CHRNA7: variants seen among roughly 807,000 people sequenced by gnomAD.
The protein encoded by CHRNA7 is neuronal acetylcholine receptor subunit alpha-7.
In CHRNA7, 17 loss-of-function variants were observed where a neutral mutation model predicts 48.0. That is an observed-to-expected ratio of 0.35 (90% CI 0.24 to 0.53). CHRNA7 has a LOEUF of 0.53. CHRNA7 is among the 20% of genes least tolerant of loss of function. The probability of loss-of-function intolerance (pLI) is 0.92; values close to 1 mark genes in which losing one functional copy is unlikely to be tolerated. For synonymous variants in CHRNA7, 75 were observed against 242.3 expected (o/e 0.31, Z 6.41); for missense variants, 155 against 577.7 (o/e 0.27, Z 7.50).
chr15:32,064,481 T>TTGTG (rs746296138), intron 2 of CHRNA7, among the ~76,000 whole-genome samples: 1 of 45,546 alleles, frequency 2.2e-5, no homozygotes, highest in Non-Finnish European at 4.6e-5. Context: ...TGTGTGTGTG[T>TTGTG]AGTGTGTGTG....
intron 2 of CHRNA7, among the ~76,000 whole-genome samples, chr15:32,091,870 C>T (rs1385833405): frequency 6.6e-6 from 1 of 152,106 alleles, no homozygotes. Flanking sequence ...TTCTTGTGAG[C>T]CAAAATCAGC....
intron 2 of CHRNA7, among the ~76,000 whole-genome samples, chr15:32,043,384 A>G (rs922376461): frequency 6.6e-5 from 10 of 152,132 alleles, no homozygotes; most frequent in African/African-American, 9.7e-5. Flanking sequence ...TTTTAAATCT[A>G]TCCTTCACTG....
At chr15:32,077,566 T>G (rs1164239110) in intron 2 of CHRNA7, among the ~76,000 whole-genome samples, 1 of 152,234 alleles carries the variant, frequency 6.6e-6, no homozygotes, top group Non-Finnish European at 1.5e-5. Flanking sequence ...GAACATATTT[T>G]CATATGTTGA....
chr15:32,030,489 A>G, upstream of CHRNA7: 2 of 1,167,950 alleles, frequency 1.7e-6, no homozygotes, highest in South Asian at 2.6e-5. Flanking sequence ...CGGCTCCTTA[A>G]AGGCGCGCGA....
intron 4 of CHRNA7, among the ~76,000 whole-genome samples, chr15:32,136,781 C>T (rs955197300): frequency 3.3e-5 from 5 of 151,872 alleles, no homozygotes; most frequent in East Asian, 1.9e-4. Flanking sequence ...CCTGTAATCC[C>T]GGCACTGTGG....
intron 2 of CHRNA7, among the ~76,000 whole-genome samples, chr15:32,088,870 T>C (rs867724214): frequency 3.9e-5 from 6 of 152,184 alleles, no homozygotes; most frequent in African/African-American, 1.4e-4. Context: ...CTGTAGTTTT[T>C]CTTTTCATTC....
chr15:32,064,549 A>G (rs1424584488), intron 2 of CHRNA7, among the ~76,000 whole-genome samples: 2 of 151,158 alleles, frequency 1.3e-5, no homozygotes, highest in Non-Finnish European at 2.9e-5. Flanking sequence ...ATATGTCTGT[A>G]TGGTAGTGGT....
At chr15:32,088,500 A>G (rs1183397794) in intron 2 of CHRNA7, among the ~76,000 whole-genome samples, 1 of 152,032 alleles carries the variant, frequency 6.6e-6, no homozygotes, top group Non-Finnish European at 1.5e-5. Context: ...TTTGTAAGAA[A>G]CCGCCAAATC....
At chr15:32,035,226 G>A (rs1902026924) in intron 2 of CHRNA7, among the ~76,000 whole-genome samples, 1 of 152,168 alleles carries the variant, frequency 6.6e-6, no homozygotes, top group Non-Finnish European at 1.5e-5. Flanking sequence ...CATGTGTGAG[G>A]TTCTAATCTG....
At chr15:32,053,590 A>T (rs541091531) in intron 2 of CHRNA7, among the ~76,000 whole-genome samples, 1 of 152,282 alleles carries the variant, frequency 6.6e-6, no homozygotes, top group African/African-American at 2.4e-5. Flanking sequence ...CACCCCTGTT[A>T]TCCTTAGCTC....
At chr15:32,140,313 A>T (rs952054699) in intron 4 of CHRNA7, among the ~76,000 whole-genome samples, 2 of 152,032 alleles carry the variant, frequency 1.3e-5, no homozygotes, top group Non-Finnish European at 2.9e-5. Context: ...TCTTAATCCA[A>T]TCTGTCATTG....
rs1902170184 is a variant in CHRNA7 at position 32,037,903 on chromosome 15, C to A, written c.195+6866C>A. ...TTCCCAGTCTATATACTTTTTATTT[C>A]CTTTTTCTTGTCCTTTTGTATTAGC... On this transcript the variant is annotated intron_variant, in intron 2 of 9. Transcript: ENST00000306901. 1.3e-5 allele frequency among the ~76,000 whole-genome samples: 2 copies of A among 151,160 alleles called. 1 individual carries two copies. Among genetic ancestry groups the A allele is most frequent in the Non-Finnish European group, 3.0e-5 (2 of 67,790 alleles).
intron 2 of CHRNA7, among the ~76,000 whole-genome samples, chr15:32,042,641 G>A (rs962663121): frequency 4.6e-5 from 7 of 152,202 alleles, no homozygotes; most frequent in Admixed American, 2.0e-4. Context: ...GCTGGTTCCT[G>A]TGGTGGTTTT....
intron 2 of CHRNA7, among the ~76,000 whole-genome samples, chr15:32,061,407 T>G (rs980472920): frequency 1.3e-5 from 2 of 152,190 alleles, no homozygotes; most frequent in Admixed American, 6.5e-5. Context: ...CCATCAGAAT[T>G]AACCTTTTGC....
chr15:32,109,762 G>A (rs1206766118), intron 3 of CHRNA7, among the ~76,000 whole-genome samples: 7 of 152,214 alleles, frequency 4.6e-5, no homozygotes, highest in Non-Finnish European at 7.3e-5. Context: ...GAACTATGGT[G>A]AGTCTGCTAT....
At chr15:32,098,694 A>T (rs1948068223) in intron 2 of CHRNA7, 1 of 152,254 alleles carries the variant, frequency 6.6e-6, no homozygotes, top group Non-Finnish European at 1.5e-5. Flanking sequence ...GTTAAAGCAG[A>T]GGCTCAGCCC....
At chr15:32,069,101 TAG>T (rs1286452842) in intron 2 of CHRNA7, among the ~76,000 whole-genome samples, 2 of 152,160 alleles carry the variant, frequency 1.3e-5, no homozygotes, top group African/African-American at 2.4e-5. Context: ...GACTTAATAA[TAG>T]AGTTAATAAC....
intron 4 of CHRNA7, among the ~76,000 whole-genome samples, chr15:32,138,693 G>A (rs551912470): frequency 8.6e-5 from 13 of 150,516 alleles, no homozygotes; most frequent in African/African-American, 2.9e-4. Flanking sequence ...TATTCATCCC[G>A]CCCTCTCTCT....
chr15:32,120,742 C>T (rs924799724), intron 4 of CHRNA7, among the ~76,000 whole-genome samples: 1 of 152,142 alleles, frequency 6.6e-6, no homozygotes, highest in Non-Finnish European at 1.5e-5. Flanking sequence ...AGCAGCTCCC[C>T]AACCCCCTGC....
Sources: allele counts gnomAD v4.1 joint callset (sites outside exome capture counted in the v4.1 genomes callset), GRCh38; gene constraint gnomAD v4.1.1; transcripts MANE v1.5; gene names NCBI Gene and HGNC (gene_info 2026-07-23, HGNC 2026-07-21).